Variants in DAB1 observed in about 807,000 individuals in gnomAD.
DAB1 encodes the protein disabled homolog 1.
DAB1 carries 15 observed loss-of-function variants against 64.6 expected under a neutral mutation model. The ratio of observed to expected loss-of-function variants is 0.23; its 90% CI spans 0.16 to 0.36. The LOEUF (loss-of-function observed/expected upper bound fraction) is 0.36, where lower values mean the gene tolerates loss of function less well. Ranked by LOEUF, DAB1 falls within the 10% of genes least tolerant of loss-of-function variation. DAB1 has a pLI of 1.00. For missense variants in DAB1, 596 were observed against 706.7 expected, an observed-to-expected ratio of 0.84 and a Z score of 1.78; for synonymous variants, 235 against 251.9, an observed-to-expected ratio of 0.93 and a Z score of 0.64.
intron 7 of DAB1, among the ~76,000 whole-genome samples, chr1:57,592,855 T>C (rs12032885): frequency 0.29 from 43,735 of 151,920 alleles, 6,371 homozygotes; most frequent in African/African-American, 0.34. Context: ...GTCCTCACTC[T>C]GTCTTTCCTC....
chr1:57,856,842 T>C (rs913570136), intron 1 of DAB1, among the ~76,000 whole-genome samples: 2 of 152,176 alleles, frequency 1.3e-5, no homozygotes, highest in African/African-American at 4.8e-5. Context: ...TGGGGATGTG[T>C]TCAACAGATG....
rs1570291496 is a variant in DAB1 at position 58,057,683 on chromosome 1, G to A, written n.387+92828C>T. On this transcript the variant is annotated intron_variant and non_coding_transcript_variant, in intron 5 of 20. Coordinates refer to the DAB1 transcript ENST00000485760. Reference sequence around the variant, plus strand: ...CAGAGCATAGCTTTGCCGACACCTTGGTTTTGGACTCCTAGCCTCTAGAAA... The same window carrying A: ...CAGAGCATAGCTTTGCCGACACCTTAGTTTTGGACTCCTAGCCTCTAGAAA... 2.0e-5 allele frequency among the ~76,000 whole-genome samples: 3 copies of A among 152,276 alleles called. No individual in the cohort carries two copies. The Middle Eastern group carries it at 0.01, about 518-fold the overall frequency.
intron 6 of DAB1, among the ~76,000 whole-genome samples, chr1:57,708,612 G>C (rs1405258016): frequency 6.6e-6 from 1 of 152,204 alleles, no homozygotes; most frequent in African/African-American, 2.4e-5. Context: ...TGTGACTTGG[G>C]TTCCTCCCAA....
rs1377254726 is a variant in DAB1, at chr1:57,597,781, A to C, written n.625+51811T>G. Among the ~76,000 whole-genome samples, 5 of 152,228 alleles carry C rather than the reference A, an allele frequency of 3.3e-5. No homozygotes were observed. In the East Asian group the frequency reaches 9.6e-4, roughly 29 times the overall value. On this transcript the variant is annotated intron_variant and non_coding_transcript_variant, in intron 7 of 20. Transcript: ENST00000485760. ...GCCATTTTCCCATAACCATAGAGTA[A>C]GTAAGCCATGAACCCAGGACATAGA...
intron 7 of DAB1, among the ~76,000 whole-genome samples, chr1:57,431,159 A>C (rs1460506992): frequency 6.7e-6 from 1 of 148,302 alleles, no homozygotes; most frequent in Non-Finnish European, 1.5e-5. Flanking sequence ...AAAAAAAAAG[A>C]AAAACAAAAA....
chr1:57,907,983 T>C (rs993984134), intron 5 of DAB1, among the ~76,000 whole-genome samples: 9 of 151,102 alleles, frequency 6.0e-5, no homozygotes, highest in Non-Finnish European at 1.3e-4. Context: ...CCCAGCACCA[T>C]TACTAAATAT....
intron 5 of DAB1, among the ~76,000 whole-genome samples, chr1:58,066,145 G>T (rs1648841632): frequency 1.3e-5 from 2 of 152,202 alleles, no homozygotes. Context: ...TGATGAAAGA[G>T]GCTCAAAGCA....
At chr1:57,219,016 T>G (rs1273106755) in intron 2 of DAB1, among the ~76,000 whole-genome samples, 1 of 152,132 alleles carries the variant, frequency 6.6e-6, no homozygotes, top group South Asian at 2.1e-4. Context: ...CTGTAAATAA[T>G]CTAAGCAAAC....
At chr1:57,959,127 A>T (rs1206281625) in intron 5 of DAB1, among the ~76,000 whole-genome samples, 1 of 152,220 alleles carries the variant, frequency 6.6e-6, no homozygotes, top group African/African-American at 2.4e-5. Context: ...TGTCCACTCC[A>T]GAGCAGTCTT....
intron 5 of DAB1, among the ~76,000 whole-genome samples, chr1:57,953,009 G>T (rs1004739494): frequency 6.6e-6 from 1 of 152,162 alleles, no homozygotes; most frequent in African/African-American, 2.4e-5. Flanking sequence ...CATAACTCTT[G>T]CTTCAAATGA....
At chr1:57,472,559 GA>G (rs1267228244) in intron 7 of DAB1, among the ~76,000 whole-genome samples, 6 of 152,176 alleles carry the variant, frequency 3.9e-5, no homozygotes, top group Admixed American at 1.3e-4. Flanking sequence ...AAAGCACTGT[GA>G]AAATCCCTAT....
intron 7 of DAB1, among the ~76,000 whole-genome samples, chr1:57,634,909 AAAG>A (rs1474808340): frequency 6.6e-6 from 1 of 152,210 alleles, no homozygotes; most frequent in African/African-American, 2.4e-5. Context: ...TAAGGTGGTC[AAAG>A]AAGAAATAGC....
chr1:58,151,410 T>C (rs1344868554), intron 4 of DAB1, among the ~76,000 whole-genome samples: 3 of 152,208 alleles, frequency 2.0e-5, no homozygotes, highest in African/African-American at 7.2e-5. Flanking sequence ...TGGTATCTCA[T>C]TGTGGTTTTG....
intron 7 of DAB1, among the ~76,000 whole-genome samples, chr1:57,444,552 T>C (rs1036447980): frequency 1.3e-5 from 2 of 152,160 alleles, no homozygotes; most frequent in Admixed American, 6.5e-5. Flanking sequence ...TCTTTGCAAA[T>C]CTAATTAAGT....
intron 6 of DAB1, among the ~76,000 whole-genome samples, chr1:57,770,389 T>G (rs1234144030): frequency 1.3e-5 from 2 of 152,148 alleles, no homozygotes; most frequent in Non-Finnish European, 2.9e-5. Flanking sequence ...CACCTCAGCT[T>G]CCTGAATAGC....
At chr1:58,367,823 T>A (rs1043163678) in intron 3 of DAB1, among the ~76,000 whole-genome samples, 2 of 152,176 alleles carry the variant, frequency 1.3e-5, no homozygotes, top group African/African-American at 2.4e-5. Context: ...AATGCTACTA[T>A]ATACTCACTA....
chr1:57,742,667 T>G (rs1323085859), intron 6 of DAB1, among the ~76,000 whole-genome samples: 2 of 152,206 alleles, frequency 1.3e-5, no homozygotes, highest in African/African-American at 4.8e-5. Context: ...ATTATCCATT[T>G]GATGTGTTAC....
chr1:58,338,218 C>T (rs1663168980), intron 4 of DAB1, among the ~76,000 whole-genome samples: 1 of 152,146 alleles, frequency 6.6e-6, no homozygotes, highest in South Asian at 2.1e-4. Context: ...GGACTTTTCT[C>T]AGCTGCGTGA....
chr1:58,324,700 G>T (rs538599519), intron 4 of DAB1, among the ~76,000 whole-genome samples: 1 of 152,300 alleles, frequency 6.6e-6, no homozygotes, highest in Admixed American at 6.5e-5. Flanking sequence ...ATGTCTAAAT[G>T]TTAAAATGAA....
Sources: allele counts gnomAD v4.1 joint callset (sites outside exome capture counted in the v4.1 genomes callset), GRCh38; gene constraint gnomAD v4.1.1; transcripts MANE v1.5; gene names NCBI Gene and HGNC (gene_info 2026-07-23, HGNC 2026-07-21).